Variants in ADAMTS17 observed in about 807,000 individuals in gnomAD.
ADAMTS17 encodes A disintegrin and metalloproteinase with thrombospondin motifs 17.
ADAMTS17 carries 113 observed loss-of-function variants against 141.5 expected under a neutral mutation model. The observed-to-expected ratio is 0.80, with a 90% CI of 0.69 to 0.93. The LOEUF is 0.93. ADAMTS17 is among the 40% of genes least tolerant of loss of function. The pLI is 0.00. For synonymous variants in ADAMTS17, 768 were observed against 630.6 expected (o/e 1.22, Z -3.27); for missense variants, 1,659 against 1,517.9 (o/e 1.09, Z -1.54).
intron 18 of ADAMTS17, among the ~76,000 whole-genome samples, chr15:100,007,796 C>T (rs555364750): frequency 2.6e-5 from 4 of 151,946 alleles, no homozygotes; most frequent in Admixed American, 2.0e-4. Context: ...GCTTGGGGTG[C>T]GGTCAGGTTG....
At chr15:100,055,350 A>G (rs951119140) in intron 15 of ADAMTS17, among the ~76,000 whole-genome samples, 1 of 152,218 alleles carries the variant, frequency 6.6e-6, no homozygotes, top group Non-Finnish European at 1.5e-5. Context: ...TGAATTCATC[A>G]GCCCCAGGCT....
intron 7 of ADAMTS17, among the ~76,000 whole-genome samples, chr15:100,221,948 G>A (rs1345706243): frequency 6.6e-6 from 1 of 152,098 alleles, no homozygotes; most frequent in Non-Finnish European, 1.5e-5. Context: ...AGCTGTGCAG[G>A]CATCACCTGA....
At chr15:100,080,275 A>C (rs932694717) in intron 15 of ADAMTS17, among the ~76,000 whole-genome samples, 2 of 152,184 alleles carry the variant, frequency 1.3e-5, no homozygotes, top group African/African-American at 4.8e-5. Flanking sequence ...CCACCTGGAC[A>C]CTTTGGGCTC....
Position 100,241,904 on chromosome 15 carries a change from T to C in ADAMTS17, c.1075+12232A>G, listed in dbSNP as rs114823023. On this transcript the variant is annotated intron_variant, in intron 7 of 21. Transcript: ENST00000268070. The stretch of plus-strand genomic sequence containing the variant: ...TTGCTTAAACTGAAGTCCTAAATAG[T>C]AGCCAGGCCCAGATTCGGTCTCTGG... Among the ~76,000 whole-genome samples, 703 of 152,290 alleles carry C rather than the reference T, an allele frequency of 4.6e-3. 4 individuals are homozygous for C. The highest frequency in any genetic ancestry group is 0.015 in the African/African-American group (639 of 41,550).
chr15:100,219,959 A>C (rs1207523414), intron 7 of ADAMTS17, among the ~76,000 whole-genome samples: 2 of 152,206 alleles, frequency 1.3e-5, no homozygotes, highest in African/African-American at 4.8e-5. Flanking sequence ...CTGTTACCCC[A>C]CAACAATTTT....
intron 18 of ADAMTS17, among the ~76,000 whole-genome samples, chr15:100,033,010 T>C (rs1374721084): frequency 2.0e-5 from 3 of 152,214 alleles, no homozygotes; most frequent in African/African-American, 7.2e-5. Flanking sequence ...AGTTTTAAAA[T>C]TCTCTACTTT....
chr15:99,972,238 G>GAGAC lies in ADAMTS17; in HGVS notation c.*2160_*2163dup, dbSNP rs1219484090. Reference sequence around the variant, plus strand: ...TGCACTCCAGCCTGGGCAACAGAGGGAGACTCTGTCTCAAAAAACAACACC... The same window carrying GAGAC: ...TGCACTCCAGCCTGGGCAACAGAGGGAGACAGACTCTGTCTCAAAAAACAACACC... On this transcript the variant is annotated 3_prime_UTR_variant, in exon 22 of 22. Transcript: ENST00000268070. The GAGAC allele has an allele frequency of 6.6e-6, 1 of 151,996 alleles. No homozygotes were observed. The highest frequency in any genetic ancestry group is 2.4e-5 in the African/African-American group (1 of 41,220). 9.4% of individuals were successfully genotyped at this position (151,996 alleles called of 1,614,324 possible).
intron 2 of ADAMTS17, among the ~76,000 whole-genome samples, chr15:100,340,206 C>T (rs972006467): frequency 6.6e-6 from 1 of 152,208 alleles, no homozygotes; most frequent in Non-Finnish European, 1.5e-5. Flanking sequence ...CTCGTCTGGG[C>T]GCCAGTGTAG....
At chr15:100,079,655 T>C (rs538209765) in intron 15 of ADAMTS17, among the ~76,000 whole-genome samples, 2 of 152,184 alleles carry the variant, frequency 1.3e-5, no homozygotes, top group Non-Finnish European at 2.9e-5. Context: ...GTTGATTATA[T>C]TGTACCTTTT....
At chr15:100,067,373 C>G (rs911933620) in intron 15 of ADAMTS17, among the ~76,000 whole-genome samples, 1 of 152,278 alleles carries the variant, frequency 6.6e-6, no homozygotes, top group African/African-American at 2.4e-5. Context: ...TTCTAAGTAG[C>G]CTATCTGTCT....
At chr15:100,337,145 A>C (rs1280377822) in intron 2 of ADAMTS17, among the ~76,000 whole-genome samples, 3 of 152,198 alleles carry the variant, frequency 2.0e-5, no homozygotes, top group Non-Finnish European at 4.4e-5. Context: ...AAGTGCTGGG[A>C]TTACAGGCGT....
chr15:100,204,843 T>A (rs1169954647), intron 7 of ADAMTS17, among the ~76,000 whole-genome samples: 2 of 152,188 alleles, frequency 1.3e-5, no homozygotes, highest in African/African-American at 4.8e-5. Flanking sequence ...GTCACCTTCA[T>A]TTCCACTGCC....
chr15:100,154,704 G>C (rs1024517358), intron 9 of ADAMTS17, among the ~76,000 whole-genome samples: 10 of 152,190 alleles, frequency 6.6e-5, no homozygotes, highest in Non-Finnish European at 1.0e-4. Context: ...CTTCTGGGAA[G>C]AAAGTAGCAG....
At chr15:100,115,572 G>T (rs1008119236) in intron 13 of ADAMTS17, among the ~76,000 whole-genome samples, 1 of 152,180 alleles carries the variant, frequency 6.6e-6, no homozygotes, top group Non-Finnish European at 1.5e-5. Context: ...CAAAGAGGAT[G>T]GGTCAGGCTG....
chr15:100,236,612 A>G (rs1048637248), intron 7 of ADAMTS17, among the ~76,000 whole-genome samples: 5 of 152,192 alleles, frequency 3.3e-5, no homozygotes, highest in Non-Finnish European at 7.3e-5. Flanking sequence ...CTGAGACAGG[A>G]GGATCACTAG....
intron 3 of ADAMTS17, among the ~76,000 whole-genome samples, chr15:100,314,211 A>G (rs8033076): frequency 0.02 from 3,037 of 152,352 alleles, 123 homozygotes; most frequent in African/African-American, 0.069. Flanking sequence ...GAAGACTCGG[A>G]AGACATGACA....
At chr15:100,315,731 GACACACAC>G (rs1046194015) in intron 3 of ADAMTS17, among the ~76,000 whole-genome samples, 1 of 150,626 alleles carries the variant, frequency 6.6e-6, no homozygotes, top group African/African-American at 2.5e-5. Flanking sequence ...CAACTTTAAA[GACACACAC>G]ACTCACACAC....
At position 99,973,989 on chromosome 15, in the gene ADAMTS17, C is replaced by CAGAATAAAGCCTTT. The variant is rs71151926; in HGVS notation, c.*399_*412dup. On this transcript the variant is annotated 3_prime_UTR_variant, in exon 22 of 22. Coordinates refer to ENST00000268070, the MANE Select transcript of ADAMTS17 (RefSeq NM_139057.4). ...CTCCCTCCATGGTGTCGCCGGCTTT[C>CAGAATAAAGCCTTT]AGAATAAAGCCTTTTCTAGCATGTC... 0.61 allele frequency: 162,411 copies of CAGAATAAAGCCTTT among 265,748 alleles called. 50,706 individuals are homozygous for CAGAATAAAGCCTTT. The highest frequency in any genetic ancestry group is 0.63 in the Non-Finnish European group (86,145 of 135,782). 16.5% of individuals were successfully genotyped at this position (265,748 alleles called of 1,614,324 possible).
chr15:100,268,794 A>G (rs1428434490), intron 4 of ADAMTS17, among the ~76,000 whole-genome samples: 28 of 152,204 alleles, frequency 1.8e-4, no homozygotes, highest in Admixed American at 1.8e-3. Context: ...AACTTCATAT[A>G]GAACCAAAAA....
Sources: allele counts gnomAD v4.1 joint callset (sites outside exome capture counted in the v4.1 genomes callset), GRCh38; gene constraint gnomAD v4.1.1; transcripts MANE v1.5; gene names NCBI Gene and HGNC (gene_info 2026-07-23, HGNC 2026-07-21).